The following TGDS variants were observed in gnomAD, a reference collection of about 807,000 sequenced individuals.
TGDS encodes the protein UDP-D-glucose 4,6-dehydratase.
In TGDS, 47 loss-of-function variants were observed where a neutral mutation model predicts 52.3. The observed-to-expected ratio is 0.90, with a 90% CI of 0.71 to 1.15. The LOEUF is 1.15. Ranked by LOEUF, TGDS falls within the 50% of genes most tolerant of loss-of-function variation. The pLI is 0.00. For synonymous variants in TGDS, 115 were observed against 136.9 expected, an observed-to-expected ratio of 0.84 and a Z score of 1.12; for missense variants, 375 against 418.4, an observed-to-expected ratio of 0.90 and a Z score of 0.90.
intron 5 of TGDS, 120 bp from the exon 6 acceptor site, chr13:94,581,309 A>T: frequency 5.1e-6 from 3 of 586,196 alleles, no homozygotes; most frequent in Non-Finnish European, 8.4e-6. Flanking sequence ...CTTAAATCCT[A>T]TGTGCCTGGT....
chr13:94,587,215 GA>G (rs1889022974), intron 4 of TGDS, among the ~76,000 whole-genome samples: 1 of 151,888 alleles, frequency 6.6e-6, no homozygotes, highest in South Asian at 2.1e-4. Flanking sequence ...ACAAAGATTA[GA>G]AAAAAGAATA....
At position 94,574,196 on chromosome 13, in the gene TGDS, C is replaced by A. The variant is rs772204921; in HGVS notation, c.*586G>T. ...CAGTAAACATGATAAATTTCTGATA[C>A]AAGGTTTTACATACGTTAATTGTGA... On this transcript the variant is annotated 3_prime_UTR_variant, in exon 12 of 12. Coordinates refer to ENST00000261296, the MANE Select transcript of TGDS (RefSeq NM_014305.4). The A allele has an allele frequency of 6.6e-6, 1 of 151,952 alleles. No individual in the cohort carries two copies. Among genetic ancestry groups the A allele is most frequent in the Non-Finnish European group, 1.5e-5 (1 of 67,988 alleles). 9.4% of individuals were successfully genotyped at this position (151,952 alleles called of 1,614,324 possible).
rs186432545 is a variant in TGDS at position 94,576,994 on chromosome 13, G to A, written c.884+377C>T. On this transcript the variant is annotated intron_variant, in intron 10 of 11. Transcript: ENST00000261296. ...CGTGTGCCTGTAGTCCCAGCTACTCGGGAGGCTGAGGCAGGAGAACTGCTT... is the reference window on the plus strand; with the variant it reads ...CGTGTGCCTGTAGTCCCAGCTACTCAGGAGGCTGAGGCAGGAGAACTGCTT... 6.6e-5 allele frequency among the ~76,000 whole-genome samples: 10 copies of A among 151,932 alleles called. No individual in the cohort carries two copies. In the East Asian group the frequency reaches 1.7e-3, roughly 26 times the overall value.
chr13:94,582,780 TC>T (rs1888841908), intron 5 of TGDS, among the ~76,000 whole-genome samples: 1 of 152,192 alleles, frequency 6.6e-6, no homozygotes, highest in Admixed American at 6.5e-5. Flanking sequence ...TACATCTTTC[TC>T]CCATGCTGGA....
intron 4 of TGDS, among the ~76,000 whole-genome samples, chr13:94,589,446 T>C (rs1371935312): frequency 6.6e-6 from 1 of 151,822 alleles, no homozygotes; most frequent in Admixed American, 6.6e-5. Context: ...TCCCGAGTAG[T>C]TGGGACTACA....
chr13:94,579,872 T>C lies in TGDS; in HGVS notation c.615+22A>G. 2 of 1,436,200 alleles carry C rather than the reference T, an allele frequency of 1.4e-6. 1 individual carries two copies. The highest frequency in any genetic ancestry group is 1.9e-6 in the Non-Finnish European group (2 of 1,030,538). 89.0% of individuals were successfully genotyped at this position (1,436,200 alleles called of 1,614,324 possible). ...AAGTTACAATCACTGAAAAACACCA[T>C]GAATTAAGAAGTAAAATTTACCTTT... is the stretch of plus-strand genomic sequence containing the variant. On this transcript the variant is annotated intron_variant, in intron 7 of 11. Transcript: ENST00000261296.
chr13:94,590,778 T>A, intron 4 of TGDS, 75 bp downstream of exon 4: 1 of 1,194,508 alleles, frequency 8.4e-7, no homozygotes, highest in Non-Finnish European at 1.2e-6. Context: ...ATATCCTCTT[T>A]CAAATATAAG....
chr13:94,583,642 T>C (rs1466344443), intron 4 of TGDS, among the ~76,000 whole-genome samples: 2 of 152,140 alleles, frequency 1.3e-5, no homozygotes, highest in Admixed American at 6.5e-5. Context: ...CTTACAAGAA[T>C]TGAACCTCTA....
rs1247681682 is a variant in TGDS, at chr13:94,596,099, G to A, written c.38C>T (p.Pro13Leu). ...CAGGACCCGCTTCGCAAAGCCGCCGGGAAGACCCCACGGTTCCTCCCAACA... is the reference window on the plus strand; with the variant it reads ...CAGGACCCGCTTCGCAAAGCCGCCGAGAAGACCCCACGGTTCCTCCCAACA... Reference protein sequence around the residue: ...AACWEEPWGLPGGFAKRVLVT... With the variant: ...AACWEEPWGLLGGFAKRVLVT... The change falls in exon 1 of 12, where the codon CCC becomes CTC. Residue 13 changes from proline (P) to leucine (L), a missense_variant. Coordinates refer to ENST00000261296, the MANE Select transcript of TGDS (RefSeq NM_014305.4). 6.2e-7 allele frequency: 1 copy of A among 1,614,036 alleles called. No individual in the cohort carries two copies. The highest frequency in any genetic ancestry group is 1.3e-5 in the African/African-American group (1 of 74,918).
chr13:94,577,398 T>C lies in TGDS; in HGVS notation c.857A>G (p.Glu286Gly). Residue 286 changes from glutamate (E) to glycine (G), a missense_variant, in exon 10 of 12, where the codon GAA (glutamate) becomes GGA (glycine). Physicochemically the swap from Glu to Gly is moderately conservative, Grantham distance 98 (BLOSUM62 -2). Transcript: ENST00000261296. ...IKETNSESEM[E>G]NWVDYVNDRP... ...ATCATTAACATAATCAACCCAATTT[T>C]CCATTTCAGACTCTGAATTGGTCTC... The C allele has an allele frequency of 6.3e-7, 1 of 1,577,174 alleles. No homozygotes were observed. Among genetic ancestry groups the C allele is most frequent in the Non-Finnish European group, 8.6e-7 (1 of 1,166,112 alleles).
chr13:94,592,375 A>C (rs767921481), intron 2 of TGDS, 66 bp from the exon 3 acceptor site: 1 of 1,260,514 alleles, frequency 7.9e-7, no homozygotes, highest in Non-Finnish European at 1.1e-6. Context: ...ATCAAATACC[A>C]ATTTATTTTA....
intron 8 of TGDS, among the ~76,000 whole-genome samples, 194 bp from the exon 9 acceptor site, chr13:94,578,364 G>A (rs1372775197): frequency 1.8e-5 from 1 of 54,214 alleles, no homozygotes; most frequent in Non-Finnish European, 3.5e-5. Flanking sequence ...AGGGGACTCA[G>A]TAGGAAAGTG....
At chr13:94,582,192 C>A (rs1888822362) in intron 5 of TGDS, among the ~76,000 whole-genome samples, 1 of 139,026 alleles carries the variant, frequency 7.2e-6, no homozygotes, top group East Asian at 2.4e-4. Flanking sequence ...GAGCGAAACT[C>A]CCATCTCAAA....
rs775582008 is a variant in TGDS at position 94,581,145 on chromosome 13, T to C, written c.501A>G (p.Ala167=). The change falls in exon 6 of 12, where the codon GCA becomes GCG. Residue 167 remains alanine, a synonymous_variant. Transcript: ENST00000261296. Reference sequence around the variant, plus strand: ...AACATTCAGCAGCTGCTTTAGATGATGCATAAGGATTTGTAGGTTGTTTGG... The same window carrying C: ...AACATTCAGCAGCTGCTTTAGATGACGCATAAGGATTTGTAGGTTGTTTGG... The part of the protein sequence containing the change: ...SSPKQPTNPY[A]SSKAAAECFV... 5 of 1,596,348 alleles carry C rather than the reference T, an allele frequency of 3.1e-6. No homozygotes were observed. The African/African-American group carries it at 6.7e-5, about 21-fold the overall frequency.
intron 2 of TGDS, among the ~76,000 whole-genome samples, chr13:94,592,984 T>C (rs985846445): frequency 7.2e-5 from 11 of 151,978 alleles, no homozygotes; most frequent in African/African-American, 2.4e-4. Flanking sequence ...TGAAACCCCA[T>C]CTCTACTAAA....
At chr13:94,580,641 C>A (rs1888755306) in intron 6 of TGDS, among the ~76,000 whole-genome samples, 1 of 152,118 alleles carries the variant, frequency 6.6e-6, no homozygotes, top group Admixed American at 6.5e-5. Context: ...GGACTCCAAC[C>A]TCACTCTGAC....
chr13:94,592,989 A>T (rs1437263186), intron 2 of TGDS, among the ~76,000 whole-genome samples: 1 of 152,018 alleles, frequency 6.6e-6, no homozygotes, highest in Non-Finnish European at 1.5e-5. Context: ...CCCCATCTCT[A>T]CTAAAAATAC....
Position 94,590,858 on chromosome 13 carries a change from T to A in TGDS, c.308A>T (p.His103Leu), listed in dbSNP as rs147139240. The A allele has an allele frequency of 6.4e-4, 1,000 of 1,567,486 alleles. No homozygotes were observed. The highest frequency in any genetic ancestry group is 8.3e-4 in the Non-Finnish European group (972 of 1,165,600). The change falls in exon 4 of 12, where the codon CAT becomes CTT. Residue 103 changes from histidine to leucine, a missense_variant. Coordinates refer to ENST00000261296, the MANE Select transcript of TGDS (RefSeq NM_014305.4). ...DIVLHFAAQT[H>L]VDLSFVRAFE... ...TAACATAAAACAATGCTTACCTACA[T>A]GTGTTTGTGCGGCAAAATGTAGTAC... is the stretch of plus-strand genomic sequence containing the variant.
chr13:94,589,256 T>C (rs1163534870), intron 4 of TGDS, among the ~76,000 whole-genome samples: 6 of 152,040 alleles, frequency 3.9e-5, no homozygotes, highest in South Asian at 2.1e-4. Flanking sequence ...TTTTTTCTCA[T>C]TGAAACTTCT....
Sources: allele counts gnomAD v4.1 joint callset (sites outside exome capture counted in the v4.1 genomes callset), GRCh38; gene constraint gnomAD v4.1.1; transcripts MANE v1.5; gene names NCBI Gene and HGNC (gene_info 2026-07-23, HGNC 2026-07-21).